Variants in ICE1 observed in about 807,000 individuals in gnomAD.
ICE1 encodes interactor of little elongation complex ELL subunit 1.
ICE1 carries 64 observed loss-of-function variants against 192.7 expected under a neutral mutation model. The ratio of observed to expected loss-of-function variants is 0.33; its 90% confidence interval spans 0.27 to 0.41. The LOEUF (loss-of-function observed/expected upper bound fraction) is 0.41. ICE1 is among the 10% of genes least tolerant of loss of function. The probability of loss-of-function intolerance (pLI) is 1.00; values close to 1 mark genes in which losing one functional copy is unlikely to be tolerated. For synonymous variants in ICE1, 1,010 were observed against 984.5 expected, an observed-to-expected ratio of 1.03 and a Z score of -0.49; for missense variants, 2,708 against 2,696.0, an observed-to-expected ratio of 1.00 and a Z score of -0.10.
chr5:5,441,849 T>C lies in ICE1; in HGVS notation c.309+626T>C, dbSNP rs553106675. Among the ~76,000 whole-genome samples, 5 of 152,346 alleles carry C rather than the reference T, an allele frequency of 3.3e-5. No individual in the cohort carries two copies. The East Asian group carries it at 7.7e-4, about 24-fold the overall frequency. On this transcript the variant is annotated intron_variant, in intron 5 of 18. Transcript: ENST00000296564. ...TTTTCATTTCTTTTTTTGGCAGTCA[T>C]GTATAGTCTCTTGTGGTTTCTCATT...
Position 5,461,788 on chromosome 5 carries a change from G to GTT in ICE1, c.2455_2456dup (p.Leu819PhefsTer28). 6.2e-7 allele frequency: 1 copy of GTT among 1,613,936 alleles called. No individual in the cohort carries two copies. The highest frequency in any genetic ancestry group is 8.5e-7 in the Non-Finnish European group (1 of 1,179,848). Reference sequence around the variant, plus strand: ...AACATGAACAGAAGACTAGCCATCAGTTACAAAAGGCAATGCCATTCCTAC... The same window carrying GTT: ...AACATGAACAGAAGACTAGCCATCAGTTTTACAAAAGGCAATGCCATTCCTAC... On this transcript the variant is annotated frameshift_variant, in exon 13 of 19. Coordinates refer to ENST00000296564, the MANE Select transcript of ICE1 (RefSeq NM_015325.3). LOFTEE classifies it high-confidence loss of function.
chr5:5,422,874 G>GC lies in ICE1; in HGVS notation c.-38dup. On this transcript the variant is annotated 5_prime_UTR_variant, in exon 1 of 19. It removes the in-frame stop codon of an upstream open reading frame in the 5' UTR. Transcript: ENST00000296564. The stretch of plus-strand genomic sequence containing the variant: ...AGACAGGACGGGGCCGACGCCGCGG[G>GC]CCCCTGAGGCGTGCGTGCCCACCGG... 2 of 1,276,394 alleles carry GC rather than the reference G, an allele frequency of 1.6e-6. No individual in the cohort carries two copies. 79.1% of individuals were successfully genotyped at this position (1,276,394 alleles called of 1,614,324 possible). A position where few individuals can be genotyped will look rare whatever the true frequency, so the allele number is the denominator to read the frequency against.
intron 17 of ICE1, among the ~76,000 whole-genome samples, chr5:5,478,613 T>C (rs1046341214): frequency 1.3e-5 from 2 of 152,180 alleles, no homozygotes; most frequent in Non-Finnish European, 1.5e-5. Flanking sequence ...TTAAATTTCA[T>C]ATGGAGCCAA....
chr5:5,442,149 A>T (rs1579546457), intron 5 of ICE1, among the ~76,000 whole-genome samples: 1 of 152,214 alleles, frequency 6.6e-6, no homozygotes, highest in Non-Finnish European at 1.5e-5. Flanking sequence ...TTTACTCCCT[A>T]CATGAATCTT....
At chr5:5,480,278 C>A (rs1258799815) in intron 17 of ICE1, among the ~76,000 whole-genome samples, 8,598 of 130,708 alleles carry the variant, frequency 0.066, 900 homozygotes, top group African/African-American at 0.23. Context: ...GAGATGGAGT[C>A]TGGCTCTGTT....
At chr5:5,467,494 T>G (rs1281987504) in intron 14 of ICE1, among the ~76,000 whole-genome samples, 2 of 152,200 alleles carry the variant, frequency 1.3e-5, no homozygotes, top group East Asian at 3.8e-4. Context: ...ACTCTTGTGT[T>G]TCACTCCATT....
rs1738831635 is a variant in ICE1 at position 5,462,639 on chromosome 5, A to G, written c.3305A>G (p.Glu1102Gly). The G allele has an allele frequency of 6.2e-7, 1 of 1,613,754 alleles. No individual in the cohort carries two copies. Among genetic ancestry groups the G allele is most frequent in the African/African-American group, 1.3e-5 (1 of 74,860 alleles). The part of the protein sequence containing the change: ...GTLHCYTGIR[E>G]GGDDTEVESE... ...TTACATTGTTACACAGGCATTCGAG[A>G]GGGGGGAGACGACACTGAGGTAGAG... is the stretch of plus-strand genomic sequence containing the variant. Residue 1102 changes from glutamate to glycine, a missense_variant, in exon 13 of 19, where the codon GAG (glutamate) becomes GGG (glycine). Coordinates refer to ENST00000296564, the MANE Select transcript of ICE1 (RefSeq NM_015325.3).
In ICE1 at chr5:5,462,082, G is replaced by A. The variant is rs370714575; in HGVS notation, c.2748G>A (p.Thr916=). 2.0e-5 allele frequency: 33 copies of A among 1,613,760 alleles called. No individual in the cohort carries two copies. Among genetic ancestry groups the A allele is most frequent in the Middle Eastern group, 1.6e-4 (1 of 6,084 alleles). ...GAGATGATACAACACAAAACATCAC[G>A]GAGGTGGCTGCTGTGAAAAGCATTT... ...GERDDTTQNI[T]EVAAVKSISP... The change falls in exon 13 of 19, where the codon ACG becomes ACA. Residue 916 remains threonine, a synonymous_variant. Transcript: ENST00000296564.
chr5:5,474,597 A>G (rs750438973), intron 16 of ICE1, among the ~76,000 whole-genome samples: 4 of 152,322 alleles, frequency 2.6e-5, no homozygotes, highest in East Asian at 1.9e-4. Flanking sequence ...CTGTGCATCT[A>G]TAATTCTGGC....
chr5:5,455,325 G>T (rs1738552528), intron 11 of ICE1, among the ~76,000 whole-genome samples: 1 of 152,120 alleles, frequency 6.6e-6, no homozygotes, highest in South Asian at 2.1e-4. Flanking sequence ...GTGTACGGAG[G>T]CATATTTGAT....
In ICE1 at chr5:5,457,388, C is replaced by A. The variant is rs1247508778; in HGVS notation, c.748C>A (p.Pro250Thr). ...AGTGCCTGGGGAAGATGGTACGCTA[C>A]CTCCAACACAGGGCAGCCCTCTCAG... ...SRVPGEDGTL[P>T]PTQGSPLRTS... The change falls in exon 12 of 19, where the codon CCT (proline) becomes ACT (threonine). Residue 250 changes from proline (P) to threonine (T), a missense_variant. Around this residue, in one of 2 missense-constraint regions of ICE1, gnomAD observed 2,366 missense variants for 2,276.6 expected, o/e 1.04. Transcript: ENST00000296564. 6.2e-7 allele frequency: 1 copy of A among 1,613,646 alleles called. No individual in the cohort carries two copies. Among genetic ancestry groups the A allele is most frequent in the Non-Finnish European group, 8.5e-7 (1 of 1,179,786 alleles).
Position 5,422,716 on chromosome 5 carries a change from C to G in ICE1, c.-200C>G, listed in dbSNP as rs980935496. ...TCGGGGGCCGCGCCGGGTAGCGTTT[C>G]TTTTTAGTGCCTGAGGCAGCTCTGG... On this transcript the variant is annotated 5_prime_UTR_variant, in exon 1 of 19. Transcript: ENST00000296564. The G allele has an allele frequency of 1.7e-5, 6 of 360,024 alleles. No individual in the cohort carries two copies. The highest frequency in any genetic ancestry group is 8.3e-5 in the East Asian group (2 of 24,238). The allele number at this position is 360,024 out of a possible 1,614,324, so 22.3% of individuals were successfully genotyped here.
chr5:5,435,694 T>TC (rs1491387405), intron 1 of ICE1, among the ~76,000 whole-genome samples: 10 of 110,180 alleles, frequency 9.1e-5, no homozygotes, highest in African/African-American at 2.5e-4. Flanking sequence ...GTTTTTTTTT[T>TC]CGAGATGGAA....
intron 3 of ICE1, chr5:5,437,746 TC>T (rs916132492): frequency 3.3e-5 from 5 of 152,344 alleles, no homozygotes; most frequent in South Asian, 2.1e-4. Context: ...AATTGATCCT[TC>T]CATGTCTTGC....
rs757825955 is a variant in ICE1, at chr5:5,464,653, T to G, written c.5319T>G (p.Ile1773Met). 4.3e-6 allele frequency: 7 copies of G among 1,613,618 alleles called. No homozygotes were observed. Among genetic ancestry groups the G allele is most frequent in the Non-Finnish European group, 5.9e-6 (7 of 1,179,810 alleles). Residue 1773 changes from isoleucine to methionine, a missense_variant, in exon 13 of 19, where the codon ATT (isoleucine) becomes ATG (methionine). Around this residue, in one of 2 missense-constraint regions of ICE1, gnomAD observed 2,366 missense variants for 2,276.6 expected, o/e 1.04. Coordinates refer to ENST00000296564, the MANE Select transcript of ICE1 (RefSeq NM_015325.3). The surrounding 1 kb of genome is among the most constrained non-coding windows in gnomAD (Gnocchi z 4.0). ...ARTLNILKGN[I>M]QLTRGPPADC... ...CCCTCAACATCCTCAAAGGGAATAT[T>G]CAACTCACACGAGGTCCGCCTGCTG...
chr5:5,422,732 G>T lies in ICE1; in HGVS notation c.-184G>T, dbSNP rs533446999. ...GTAGCGTTTCTTTTTAGTGCCTGAG[G>T]CAGCTCTGGCTCGGAGAGCCTTTTG... On this transcript the variant is annotated 5_prime_UTR_variant, in exon 1 of 19. Coordinates refer to ENST00000296564, the MANE Select transcript of ICE1 (RefSeq NM_015325.3). 5.4e-6 allele frequency: 2 copies of T among 369,996 alleles called. No homozygotes were observed. The highest frequency in any genetic ancestry group is 4.7e-5 in the Admixed American group (1 of 21,468). 22.9% of individuals were successfully genotyped at this position (369,996 alleles called of 1,614,324 possible).
chr5:5,466,556 C>T, intron 14 of ICE1, 54 bp downstream of exon 14: 5 of 1,420,948 alleles, frequency 3.5e-6, no homozygotes, highest in Non-Finnish European at 4.8e-6. Context: ...GCCTTTTTCC[C>T]TTATACTGGA....
At chr5:5,436,990 G>C in intron 2 of ICE1, 90 bp from the exon 3 acceptor site, 1 of 787,806 alleles carries the variant, frequency 1.3e-6, no homozygotes, top group East Asian at 2.7e-5. Flanking sequence ...AGGAAGTCTA[G>C]AGGGTGCCTT....
chr5:5,474,135 G>A (rs1412270364), intron 16 of ICE1, among the ~76,000 whole-genome samples: 12 of 151,762 alleles, frequency 7.9e-5, no homozygotes, highest in Non-Finnish European at 1.0e-4. Flanking sequence ...GTGTGAGCCC[G>A]GGAGGCAGAG....
Sources: gnomAD v4.1 joint callset for allele counts (sites outside exome capture counted in the v4.1 genomes callset) on GRCh38, gnomAD v4.1.1 for gene constraint, gnomAD v4.1.1 regional missense constraint, Gnocchi (gnomAD v3.1) non-coding constraint, MANE v1.5 for transcripts, NCBI Gene and HGNC (gene_info 2026-07-23, HGNC 2026-07-21) for gene names.